Variants in NHSL1 observed in about 807,000 individuals in gnomAD.
NHSL1 encodes the protein NHS-like protein 1.
Under a neutral mutation model 95.0 loss-of-function variants are expected in NHSL1, and 48 were observed. The ratio of observed to expected loss-of-function variants is 0.51; its 90% CI spans 0.40 to 0.64. The LOEUF (loss-of-function observed/expected upper bound fraction) is 0.64, where lower values mean the gene tolerates loss of function less well. Among genes scored for constraint, NHSL1 ranks in the 30% least tolerant of loss-of-function variants. The probability of loss-of-function intolerance (pLI) is 0.00; values close to 1 mark genes in which losing one functional copy is unlikely to be tolerated. For missense variants in NHSL1, 1,971 were observed against 2,077.7 expected (o/e 0.95, Z 1.00); for synonymous variants, 783 against 833.9 (o/e 0.94, Z 1.05).
chr6:138,671,794 A>C (rs1785374464), intron 1 of NHSL1, among the ~76,000 whole-genome samples: 1 of 152,190 alleles, frequency 6.6e-6, no homozygotes, highest in Non-Finnish European at 1.5e-5. Context: ...GGAGAGACAA[A>C]AGTTGTAAAA....
intron 1 of NHSL1, among the ~76,000 whole-genome samples, chr6:138,598,627 GAAAAAAAAAAA>G (rs35482505): frequency 2.3e-5 from 2 of 86,846 alleles, no homozygotes; most frequent in Non-Finnish European, 2.4e-5. Flanking sequence ...TCATCTGGAA[GAAAAAAAAAAA>G]AAAAAAAAAG....
At chr6:138,458,469 A>T (rs1026281213) in intron 3 of NHSL1, among the ~76,000 whole-genome samples, 3 of 152,196 alleles carry the variant, frequency 2.0e-5, no homozygotes, top group African/African-American at 7.2e-5. Flanking sequence ...AGGTAGGTGG[A>T]TCACTTGAGG....
chr6:138,626,611 AGGCCGGGCGCGGTGGCTC>A lies in NHSL1; in HGVS notation c.96+65847_96+65864del, dbSNP rs1784740728. Among the ~76,000 whole-genome samples, 10 of 127,034 alleles carry A rather than the reference AGGCCGGGCGCGGTGGCTC, an allele frequency of 7.9e-5. 2 individuals carry two copies. Among genetic ancestry groups the A allele is most frequent in the Admixed American group, 1.5e-4 (2 of 13,524 alleles). 83.3% of individuals were successfully genotyped at this position (127,034 alleles called of 152,430 possible). A position where few individuals can be genotyped will look rare whatever the true frequency, so the allele number is the denominator to read the frequency against. ...AAGAAACTTTCTTAAAAAAAATTGT[AGGCCGGGCGCGGTGGCTC>A]ACGCCTGTAATCCCAGCACTTTGGG... On this transcript the variant is annotated intron_variant, in intron 1 of 3. Coordinates refer to the NHSL1 transcript ENST00000491526.
At chr6:138,663,303 G>A (rs1785250123) in intron 1 of NHSL1, among the ~76,000 whole-genome samples, 1 of 152,130 alleles carries the variant, frequency 6.6e-6, no homozygotes, top group Non-Finnish European at 1.5e-5. Flanking sequence ...GGTCACGCCT[G>A]TCATCCCAGC....
intron 1 of NHSL1, among the ~76,000 whole-genome samples, chr6:138,605,387 G>T (rs1016034752): frequency 6.6e-6 from 1 of 152,096 alleles, no homozygotes; most frequent in African/African-American, 2.4e-5. Context: ...CAACAGGCCT[G>T]GCTAATTTCT....
chr6:138,524,735 T>C (rs1338907741), intron 1 of NHSL1, among the ~76,000 whole-genome samples: 3 of 152,114 alleles, frequency 2.0e-5, no homozygotes, highest in Non-Finnish European at 4.4e-5. Context: ...AGTGTGTGCA[T>C]AGTCAGCTTC....
intron 1 of NHSL1, among the ~76,000 whole-genome samples, chr6:138,603,590 G>A (rs918271232): frequency 6.6e-6 from 1 of 152,140 alleles, no homozygotes; most frequent in Admixed American, 6.5e-5. Context: ...CCCTCAAGGG[G>A]CTCAAAGTCT....
At chr6:138,537,399 A>T (rs1320446577) in intron 1 of NHSL1, among the ~76,000 whole-genome samples, 2 of 152,058 alleles carry the variant, frequency 1.3e-5, no homozygotes, top group Non-Finnish European at 2.9e-5. Flanking sequence ...AAACTTTTTA[A>T]AAGTTGGCGT....
rs1359518929 is a variant in NHSL1 at position 138,442,115 on chromosome 6, C to T, written c.533-1G>A. On this transcript the variant is annotated splice_acceptor_variant, in intron 4 of 7. Coordinates refer to ENST00000343505, the MANE Select transcript of NHSL1 (RefSeq NM_001144060.2). LOFTEE classifies it high-confidence loss of function. ...CTGGCCTGGCGATCGAAATTCTCCC[C>T]TAATGTAGAGTAGTAGAACAAGCAA... 6.5e-7 allele frequency: 1 copy of T among 1,547,934 alleles called. No homozygotes were observed. Among genetic ancestry groups the T allele is most frequent in the Non-Finnish European group, 8.7e-7 (1 of 1,145,476 alleles).
chr6:138,656,569 T>C (rs1205992903), intron 1 of NHSL1, among the ~76,000 whole-genome samples: 1 of 152,182 alleles, frequency 6.6e-6, no homozygotes, highest in African/African-American at 2.4e-5. Context: ...TGAAGACAGA[T>C]TCAAGCGATA....
At chr6:138,504,619 G>T (rs9495097) in intron 1 of NHSL1, among the ~76,000 whole-genome samples, 1 of 152,122 alleles carries the variant, frequency 6.6e-6, no homozygotes, top group Non-Finnish European at 1.5e-5. Flanking sequence ...GGGCAGGCCC[G>T]CAGGGTCTTG....
At chr6:138,507,470 G>T (rs1781019850) in intron 1 of NHSL1, among the ~76,000 whole-genome samples, 1 of 152,222 alleles carries the variant, frequency 6.6e-6, no homozygotes, top group Non-Finnish European at 1.5e-5. Context: ...TTCTGGATGG[G>T]ATGCTAGTTT....
chr6:138,499,134 G>GACACAC lies in NHSL1; in HGVS notation c.58+93_58+98dup, dbSNP rs55946895. 333 of 629,932 alleles carry GACACAC rather than the reference G, an allele frequency of 5.3e-4. 1 individual carries two copies. The highest frequency in any genetic ancestry group is 4.9e-3 in the South Asian group (242 of 49,402). 39.0% of individuals were successfully genotyped at this position (629,932 alleles called of 1,614,324 possible). On this transcript the variant is annotated intron_variant, in intron 1 of 7. Transcript: ENST00000343505. ...ACGAAGGACCTAAAACACACACATG[G>GACACAC]ACACACACACACACACACACACACA...
upstream of NHSL1, among the ~76,000 whole-genome samples, chr6:138,499,650 G>A (rs570123582): frequency 6.6e-6 from 1 of 152,198 alleles, no homozygotes; most frequent in Non-Finnish European, 1.5e-5. Context: ...CTCTCCAACA[G>A]ATCAGAAGTT....
rs1055846304 is a variant in NHSL1 at position 138,424,119 on chromosome 6, A to C, written c.4783T>G (p.Ser1595Ala). 51 of 1,409,234 alleles carry C rather than the reference A, an allele frequency of 3.6e-5. No homozygotes were observed. In the East Asian group the frequency reaches 1.2e-3, roughly 32 times the overall value. 87.3% of individuals were successfully genotyped at this position (1,409,234 alleles called of 1,614,324 possible). Residue 1595 changes from serine (S) to alanine (A), a missense_variant, in exon 8 of 8, where the codon TCC becomes GCC. Ser to Ala is a moderately conservative substitution (Grantham distance 99). Transcript: ENST00000343505. The surrounding 1 kb of genome is among the most constrained non-coding windows in gnomAD (Gnocchi z 5.9). The part of the protein sequence containing the change: ...GTASAEGREP[S>A]PQCGGSLSEE... ...CTCAGAGAACCGCCACACTGTGGGG[A>C]GGGCTCTCTGCCCTCTGCACTGGCT...
intron 3 of NHSL1, among the ~76,000 whole-genome samples, chr6:138,450,887 G>A (rs570840250): frequency 5.3e-5 from 8 of 152,166 alleles, no homozygotes; most frequent in Middle Eastern, 3.4e-3. Context: ...TCATTTCAGT[G>A]GCAGAACACA....
chr6:138,653,148 G>A (rs548671807), intron 1 of NHSL1, among the ~76,000 whole-genome samples: 8 of 152,306 alleles, frequency 5.3e-5, no homozygotes, highest in African/African-American at 1.9e-4. Context: ...TTAGTAGGGT[G>A]TAAAACTTCA....
chr6:138,534,461 T>C (rs1347214206), intron 1 of NHSL1, among the ~76,000 whole-genome samples: 3 of 152,150 alleles, frequency 2.0e-5, no homozygotes, highest in South Asian at 2.1e-4. Flanking sequence ...AAGGAGCCCT[T>C]TGAAAGGGTA....
Position 138,422,563 on chromosome 6 carries a change from G to GTCCT in NHSL1, c.*1514_*1517dup, listed in dbSNP as rs1421081641. On this transcript the variant is annotated 3_prime_UTR_variant, in exon 8 of 8. Coordinates refer to ENST00000343505, the MANE Select transcript of NHSL1 (RefSeq NM_001144060.2). ...AAGACTCTCCGCATTGTCATCCTAG[G>GTCCT]TCCTTCTAATGAAGAAGACAATACT... The GTCCT allele has an allele frequency of 6.6e-6, 1 of 152,142 alleles. No homozygotes were observed. Among genetic ancestry groups the GTCCT allele is most frequent in the Non-Finnish European group, 1.5e-5 (1 of 68,020 alleles). 9.4% of individuals were successfully genotyped at this position (152,142 alleles called of 1,614,324 possible). A position where few individuals can be genotyped will look rare whatever the true frequency, so the allele number is the denominator to read the frequency against.
Sources: allele counts gnomAD v4.1 joint callset (sites outside exome capture counted in the v4.1 genomes callset), GRCh38; gene constraint gnomAD v4.1.1; non-coding constraint Gnocchi (gnomAD v3.1); transcripts MANE v1.5; gene names NCBI Gene and HGNC (gene_info 2026-07-23, HGNC 2026-07-21).